INCA1: variants seen among roughly 807,000 people sequenced by gnomAD.
The protein encoded by INCA1 is inhibitor of CDK, cyclin A1 interacting protein 1, also known as protein INCA1.
In INCA1, 28 loss-of-function variants were observed where a neutral mutation model predicts 25.7. That is an observed-to-expected ratio of 1.09 (90% CI 0.81 to 1.49). The LOEUF (loss-of-function observed/expected upper bound fraction) is 1.49, where lower values mean the gene tolerates loss of function less well. INCA1 is among the 40% of genes most tolerant of loss of function. The pLI is 0.00. For missense variants in INCA1, 309 were observed against 290.9 expected (o/e 1.06, Z -0.45); for synonymous variants, 111 against 103.6 (o/e 1.07, Z -0.43).
At chr17:4,991,076 G>A (rs1202423869) in intron 2 of INCA1, among the ~76,000 whole-genome samples, 4 of 151,248 alleles carry the variant, frequency 2.6e-5, no homozygotes, top group African/African-American at 9.7e-5. Flanking sequence ...CCACTACCAC[G>A]CCCGGCCAAT....
At chr17:4,994,344 A>C (rs1005990770) in intron 2 of INCA1, 50 bp downstream of exon 2, 2 of 1,557,418 alleles carry the variant, frequency 1.3e-6, no homozygotes, top group Admixed American at 1.7e-5. Flanking sequence ...CAGGCATGCA[A>C]TATCCCCTCC....
chr17:4,989,359 C>G lies in INCA1; in HGVS notation c.395+69G>C, dbSNP rs927130636. ...CTCCCCTCAAAGCTGTCAACCCCTT[C>G]CTTAGCTCAAACTGTTCTGCCCCCA... On this transcript the variant is annotated intron_variant, in intron 5 of 6. Coordinates refer to ENST00000576820, the Ensembl canonical transcript of INCA1. 2.7e-6 allele frequency: 4 copies of G among 1,458,816 alleles called. No homozygotes were observed. The African/African-American group carries it at 5.6e-5, about 21-fold the overall frequency. 90.4% of individuals were successfully genotyped at this position (1,458,816 alleles called of 1,614,324 possible).
At chr17:4,988,483 G>A (rs1218311893) in exon 7 of INCA1, 3 of 1,614,050 alleles carry the variant, frequency 1.9e-6, no homozygotes, top group African/African-American at 1.3e-5. Context: ...TGCTGAACGA[G>A]GCCAGAGAGT....
Position 4,989,418 on chromosome 17 carries a change from C to T in INCA1, c.395+10G>A. 1.2e-6 allele frequency: 2 copies of T among 1,608,586 alleles called. No individual in the cohort carries two copies. The highest frequency in any genetic ancestry group is 4.5e-5 in the East Asian group (2 of 44,788). On this transcript the variant is annotated intron_variant, in intron 5 of 6. Transcript: ENST00000576820. Reference sequence around the variant, plus strand: ...ATGACTCCCAGAACCCAGATGTCTCCCTTCCTTACTCGTTGATGATGCTCT... The same window carrying T: ...ATGACTCCCAGAACCCAGATGTCTCTCTTCCTTACTCGTTGATGATGCTCT...
intron 2 of INCA1, 119 bp downstream of exon 2, chr17:4,994,275 C>T (rs1974074841): frequency 3.4e-6 from 3 of 895,198 alleles, no homozygotes; most frequent in Non-Finnish European, 5.5e-6. Flanking sequence ...TCATCAATCC[C>T]CTGAGACCAG....
rs765866358 is a variant in INCA1 at position 4,988,923 on chromosome 17, GC to G, written c.416del (p.Gly139AlafsTer108). On this transcript the variant is annotated frameshift_variant, in exon 6 of 7. Coordinates refer to ENST00000576820, the Ensembl canonical transcript of INCA1. LOFTEE classifies it high-confidence loss of function. Reference sequence around the variant, plus strand: ...CTGGCTCAGATGCAGCCCCAGAGCTGCCCCACTGGGCCTTCTTCAGTCTGTG... The same window carrying G: ...CTGGCTCAGATGCAGCCCCAGAGCTGCCCACTGGGCCTTCTTCAGTCTGTG... 2 of 1,613,862 alleles carry G rather than the reference GC, an allele frequency of 1.2e-6. No individual in the cohort carries two copies. The highest frequency in any genetic ancestry group is 1.7e-6 in the Non-Finnish European group (2 of 1,179,992).
rs146771791 is a variant in INCA1, at chr17:4,993,629, C to T, written c.44+765G>A. The stretch of plus-strand genomic sequence containing the variant: ...GACTACAGGCGCCCGCCACCACACC[C>T]GGCTAATTTTTTTGTATTTTTAGTA... On this transcript the variant is annotated intron_variant, in intron 2 of 6. Coordinates refer to ENST00000576820, the Ensembl canonical transcript of INCA1. Among the ~76,000 whole-genome samples the T allele has an allele frequency of 6.3e-3, 948 of 150,406 alleles. 13 individuals are homozygous for T. Among genetic ancestry groups the T allele is most frequent in the African/African-American group, 0.021 (856 of 40,808 alleles).
At chr17:4,993,946 A>G (rs770710145) in intron 2 of INCA1, among the ~76,000 whole-genome samples, 2 of 148,594 alleles carry the variant, frequency 1.3e-5, no homozygotes, top group Admixed American at 6.8e-5. Flanking sequence ...TAATTTTTGT[A>G]TTTCTAGTAG....
At chr17:4,997,051 C>T (rs1237993733), upstream of INCA1, 1 of 153,074 alleles carries the variant, frequency 6.5e-6, no homozygotes, top group Non-Finnish European at 1.5e-5. Flanking sequence ...AAGGATCCTC[C>T]ACAGTTGACT....
chr17:4,988,347 C>G (rs1973512872), exon 7 of INCA1: 1 of 1,522,780 alleles, frequency 6.6e-7, no homozygotes, highest in African/African-American at 1.4e-5. Flanking sequence ...ACTCTAGTGA[C>G]GGAACTAGTC....
At chr17:4,988,898 C>T in exon 6 of INCA1, 1 of 1,614,234 alleles carries the variant, frequency 6.2e-7, no homozygotes, top group Non-Finnish European at 8.5e-7. Flanking sequence ...CCAAGCACCA[C>T]TGGCTCAGAT....
At chr17:4,992,690 C>T (rs559084086) in intron 2 of INCA1, among the ~76,000 whole-genome samples, 2 of 143,072 alleles carry the variant, frequency 1.4e-5, no homozygotes, top group African/African-American at 5.2e-5. Context: ...CTTTCTTTCT[C>T]TCCTTCTTTC....
intron 1 of INCA1, among the ~76,000 whole-genome samples, chr17:4,996,347 A>C (rs945819904): frequency 2.7e-5 from 4 of 150,884 alleles, no homozygotes; most frequent in African/African-American, 9.8e-5. Context: ...ACTGCACTGC[A>C]CTCCAGCCTA....
chr17:4,992,820 C>T (rs1282668952), intron 2 of INCA1, among the ~76,000 whole-genome samples: 1 of 152,124 alleles, frequency 6.6e-6, no homozygotes, highest in African/African-American at 2.4e-5. Flanking sequence ...AGCAATCCTC[C>T]CACCTTGGCC....
chr17:4,996,773 G>T (rs966574195), intron 1 of INCA1: 1 of 152,376 alleles, frequency 6.6e-6, no homozygotes, highest in African/African-American at 2.4e-5. Context: ...AGGTGAACTA[G>T]TATTTATCCA....
intron 5 of INCA1, 141 bp from the exon 6 acceptor site, chr17:4,989,085 T>C: frequency 1.1e-6 from 1 of 952,150 alleles, no homozygotes; most frequent in Non-Finnish European, 1.5e-6. Flanking sequence ...CACTCCCAAT[T>C]TTCTGCTCCC....
chr17:4,988,737 C>T (rs1973560253), intron 6 of INCA1, 42 bp downstream of exon 6: 1 of 1,610,106 alleles, frequency 6.2e-7, no homozygotes. Context: ...ACCAGAGACC[C>T]ACATCACTCC....
At chr17:4,997,241 AG>A (rs942327391), upstream of INCA1, 4 of 152,234 alleles carry the variant, frequency 2.6e-5, no homozygotes, top group Non-Finnish European at 5.9e-5. Flanking sequence ...CCTTCCGGGC[AG>A]CCCCGCCCGA....
intron 1 of INCA1, 141 bp from the exon 2 acceptor site, chr17:4,994,616 C>A (rs1974106382): frequency 3.4e-6 from 2 of 592,418 alleles, no homozygotes; most frequent in Non-Finnish European, 6.0e-6. Flanking sequence ...ATAGTGAAAC[C>A]CCATCTCTGC....
Sources: gnomAD v4.1 joint callset for allele counts (sites outside exome capture counted in the v4.1 genomes callset) on GRCh38, gnomAD v4.1.1 for gene constraint, MANE v1.5 for transcripts, NCBI Gene and HGNC (gene_info 2026-07-23, HGNC 2026-07-21) for gene names.